Variants in MPRIP observed in about 807,000 individuals in gnomAD.
The protein encoded by MPRIP is myosin phosphatase Rho-interacting protein.
A neutral mutation model predicts 234.9 loss-of-function variants in MPRIP; 59 were observed. The ratio of observed to expected loss-of-function variants is 0.25; its 90% CI spans 0.20 to 0.31. MPRIP has a LOEUF of 0.31. MPRIP is among the 10% of genes least tolerant of loss of function. MPRIP has a pLI of 1.00. For missense variants in MPRIP, 2,436 were observed against 3,071.0 expected (o/e 0.79, Z 4.89); for synonymous variants, 1,144 against 1,263.9 (o/e 0.91, Z 2.01).
intron 5 of MPRIP, among the ~76,000 whole-genome samples, chr17:17,133,285 C>T (rs1295753375): frequency 6.6e-5 from 10 of 152,274 alleles, no homozygotes; most frequent in Non-Finnish European, 1.2e-4. Context: ...CCTTTGGTCC[C>T]GAGAGCATCC....
chr17:17,043,907 A>G (rs2088262754), intron 1 of MPRIP, among the ~76,000 whole-genome samples: 1 of 152,192 alleles, frequency 6.6e-6, no homozygotes, highest in Admixed American at 6.5e-5. Context: ...CTCCTGAATG[A>G]AGCCAGGGGA....
In MPRIP at chr17:17,075,775, G is replaced by A. The variant is rs142012150; in HGVS notation, c.189G>A (p.Val63=). 92 of 1,614,078 alleles carry A rather than the reference G, an allele frequency of 5.7e-5. No individual in the cohort carries two copies. In the African/African-American group the frequency reaches 1.2e-3, roughly 20 times the overall value. Residue 63 remains valine (V), a synonymous_variant, in exon 2 of 24, where the codon GTG becomes GTA. Coordinates refer to ENST00000651222, the MANE Select transcript of MPRIP (RefSeq NM_001364716.4). ...APDGTDFDNP[V]HRSRKWQRRF... ...ATGGGACCGACTTTGACAACCCAGTGCACCGGTCTCGGGTAAGGGCATCAG... is the reference window on the plus strand; with the variant it reads ...ATGGGACCGACTTTGACAACCCAGTACACCGGTCTCGGGTAAGGGCATCAG...
intron 6 of MPRIP, among the ~76,000 whole-genome samples, chr17:17,137,602 G>A (rs1022954014): frequency 3.3e-5 from 5 of 151,854 alleles, no homozygotes; most frequent in East Asian, 1.9e-4. Flanking sequence ...GGGGTCTTGC[G>A]TCCTGAGGTA....
rs554407237 is a variant in MPRIP at position 17,166,312 on chromosome 17, C to G, written c.4721C>G (p.Ser1574Trp). ...LLSDQIALEA[S>W]LISQIADSLK... ...TCTGACCAGATTGCTCTGGAGGCCT[C>G]GCTGATCAGCCAGATAGCAGATTCC... The change falls in exon 16 of 24, where the codon TCG becomes TGG. Residue 1574 changes from serine to tryptophan, a missense_variant. By Grantham distance (177) the Ser-to-Trp change is radical (BLOSUM62 -3). Around this residue, in one of 4 missense-constraint regions of MPRIP, gnomAD observed 1,998 missense variants for 2,520.3 expected, o/e 0.79. Coordinates refer to ENST00000651222, the MANE Select transcript of MPRIP (RefSeq NM_001364716.4). This position sits in a 1 kb window ranked among gnomAD's most constrained non-coding sequence, Gnocchi z 4.4. The G allele has an allele frequency of 7.7e-7, 1 of 1,304,488 alleles. No homozygotes were observed. Among genetic ancestry groups the G allele is most frequent in the Admixed American group, 2.3e-5 (1 of 43,574 alleles). 80.8% of individuals were successfully genotyped at this position (1,304,488 alleles called of 1,614,324 possible). A position where few individuals can be genotyped will look rare whatever the true frequency, so the allele number is the denominator to read the frequency against.
rs59705934 is a variant in MPRIP, at chr17:17,065,381, A to AT, written c.124-10310dup. ...CTACTTTCTGTATCAGCTTGAGATG[A>AT]TTTTTTTTTTTTTTTTTTTGCCTGT... On this transcript the variant is annotated intron_variant, in intron 1 of 23. Coordinates refer to ENST00000651222, the MANE Select transcript of MPRIP (RefSeq NM_001364716.4). Among the ~76,000 whole-genome samples, 261 of 111,762 alleles carry AT rather than the reference A, an allele frequency of 2.3e-3. 3 individuals are homozygous for AT. Among genetic ancestry groups the AT allele is most frequent in the African/African-American group, 3.6e-3 (107 of 30,042 alleles). 73.3% of individuals were successfully genotyped at this position (111,762 alleles called of 152,430 possible).
Position 17,164,950 on chromosome 17 carries a change from G to A in MPRIP, c.3359G>A (p.Arg1120His), listed in dbSNP as rs562650966. Residue 1120 changes from arginine to histidine, a missense_variant, in exon 16 of 24, where the codon CGC (arginine) becomes CAC (histidine). Arg to His is a conservative substitution (Grantham distance 29, BLOSUM62 0). Around this residue, in one of 4 missense-constraint regions of MPRIP, gnomAD observed 1,998 missense variants for 2,520.3 expected, o/e 0.79. Coordinates refer to ENST00000651222, the MANE Select transcript of MPRIP (RefSeq NM_001364716.4). ...LRQRFQELTERVATSDEDVAE... is the reference protein window; with the variant it reads ...LRQRFQELTEHVATSDEDVAE... ...CAGCGGTTCCAGGAGCTGACAGAGC[G>A]CGTGGCCACGTCCGACGAGGATGTG... The A allele has an allele frequency of 1.7e-5, 22 of 1,303,698 alleles. No individual in the cohort carries two copies. Among genetic ancestry groups the A allele is most frequent in the East Asian group, 5.6e-5 (1 of 18,018 alleles). 80.8% of individuals were successfully genotyped at this position (1,303,698 alleles called of 1,614,324 possible).
chr17:17,166,267 A>C lies in MPRIP; in HGVS notation c.4676A>C (p.Gln1559Pro). 7.7e-7 allele frequency: 1 copy of C among 1,304,292 alleles called. No homozygotes were observed. Among genetic ancestry groups the C allele is most frequent in the Non-Finnish European group, 1.0e-6 (1 of 988,956 alleles). The allele number at this position is 1,304,292 out of a possible 1,614,324, so 80.8% of individuals were successfully genotyped here. The change falls in exon 16 of 24, where the codon CAG (glutamine) becomes CCG (proline). Residue 1559 changes from glutamine (Q) to proline (P), a missense_variant. Coordinates refer to ENST00000651222, the MANE Select transcript of MPRIP (RefSeq NM_001364716.4). This position sits in a 1 kb window ranked among gnomAD's most constrained non-coding sequence, Gnocchi z 4.4. ...TGCTCCCAGTCTGAGTTGACAGAGC[A>C]GGAGCAGGTGAGGCTTCTTTCTGAC... ...QQCSQSELTE[Q>P]EQVRLLSDQI...
intron 1 of MPRIP, among the ~76,000 whole-genome samples, chr17:17,063,955 A>G (rs566570153): frequency 1.3e-5 from 2 of 152,322 alleles, no homozygotes; most frequent in East Asian, 3.9e-4. Context: ...AGCTGGGTTC[A>G]TCCTGGCATG....
At chr17:17,132,534 G>A (rs1013768271) in intron 5 of MPRIP, among the ~76,000 whole-genome samples, 16 of 152,172 alleles carry the variant, frequency 1.1e-4, no homozygotes, top group African/African-American at 2.2e-4. Flanking sequence ...GGTCCCTTGG[G>A]CATCACAAGG....
chr17:17,060,612 G>A (rs1478168617), intron 1 of MPRIP, among the ~76,000 whole-genome samples: 2 of 152,198 alleles, frequency 1.3e-5, no homozygotes, highest in East Asian at 1.9e-4. Context: ...CACTGCCAGC[G>A]GGGAGGAGTG....
chr17:17,147,679 G>A (rs1345176637), intron 11 of MPRIP, among the ~76,000 whole-genome samples: 1 of 152,178 alleles, frequency 6.6e-6, no homozygotes, highest in Non-Finnish European at 1.5e-5. Flanking sequence ...GTGGGTTTGG[G>A]CAGCTTTTCT....
chr17:17,047,731 G>A (rs1253847550), intron 1 of MPRIP, among the ~76,000 whole-genome samples: 1 of 152,148 alleles, frequency 6.6e-6, no homozygotes, highest in Non-Finnish European at 1.5e-5. Context: ...AACAGATTTG[G>A]AGTAAACTTG....
At chr17:17,142,504 TC>T in intron 7 of MPRIP, 122 bp from the exon 8 acceptor site, 1 of 1,175,182 alleles carries the variant, frequency 8.5e-7, no homozygotes, top group South Asian at 1.5e-5. Flanking sequence ...CTAGACAACC[TC>T]GGTGCTGTGC....
chr17:17,184,373 CCTG>C (rs1251327352), intron 23 of MPRIP, among the ~76,000 whole-genome samples: 1 of 152,254 alleles, frequency 6.6e-6, no homozygotes, highest in Non-Finnish European at 1.5e-5. Context: ...GGACACCCAT[CCTG>C]CTGGGGATTC....
At chr17:17,153,691 T>A (rs2045660287) in intron 12 of MPRIP, among the ~76,000 whole-genome samples, 1 of 152,010 alleles carries the variant, frequency 6.6e-6, no homozygotes, top group Admixed American at 6.5e-5. Context: ...CATACCCCTT[T>A]TGTTACTTCT....
intron 9 of MPRIP, among the ~76,000 whole-genome samples, chr17:17,145,595 G>A (rs867931602): frequency 1.3e-5 from 2 of 152,242 alleles, no homozygotes; most frequent in South Asian, 2.1e-4. Flanking sequence ...AACACCGCAC[G>A]TCTCTGTTTC....
intron 3 of MPRIP, among the ~76,000 whole-genome samples, chr17:17,104,026 A>G (rs1216729396): frequency 2.8e-5 from 2 of 70,986 alleles, no homozygotes; most frequent in Non-Finnish European, 5.7e-5. Context: ...GTGTGAGCCC[A>G]TTTCCTCAGG....
rs566820926 is a variant in MPRIP at position 17,165,077 on chromosome 17, G to T, written c.3486G>T (p.Leu1162=). The change falls in exon 16 of 24, where the codon CTG becomes CTT. Residue 1162 remains leucine, a synonymous_variant. Transcript: ENST00000651222. Reference sequence around the variant, plus strand: ...GCCAGCTGCAGAGCATGCACACTCTGCTGAGAGAGAAGGAGGAAGAGCTGG... The same window carrying T: ...GCCAGCTGCAGAGCATGCACACTCTTCTGAGAGAGAAGGAGGAAGAGCTGG... ...VSSQLQSMHT[L]LREKEEELER... is the part of the protein sequence containing the mutation. 1.8e-4 allele frequency: 241 copies of T among 1,303,326 alleles called. 3 individuals carry two copies. In the Middle Eastern group the frequency reaches 6.8e-3, roughly 37 times the overall value. The allele number at this position is 1,303,326 out of a possible 1,614,324, so 80.7% of individuals were successfully genotyped here.
At chr17:17,046,372 G>A (rs1355684155) in intron 1 of MPRIP, among the ~76,000 whole-genome samples, 1 of 152,194 alleles carries the variant, frequency 6.6e-6, no homozygotes, top group African/African-American at 2.4e-5. Flanking sequence ...ACTTCTGGGT[G>A]TGTGTGCGTG....
Sources: gnomAD v4.1 joint callset for allele counts (sites outside exome capture counted in the v4.1 genomes callset) on GRCh38, gnomAD v4.1.1 for gene constraint, gnomAD v4.1.1 regional missense constraint, Gnocchi (gnomAD v3.1) non-coding constraint, MANE v1.5 for transcripts, NCBI Gene and HGNC (gene_info 2026-07-23, HGNC 2026-07-21) for gene names.